CRPPA: variants seen among roughly 807,000 people sequenced by gnomAD.
CRPPA encodes CDP-L-ribitol pyrophosphorylase A, also known as D-ribitol-5-phosphate cytidylyltransferase.
Under a neutral mutation model 52.0 loss-of-function variants are expected in CRPPA, and 43 were observed. The ratio of observed to expected loss-of-function variants is 0.83; its 90% confidence interval spans 0.65 to 1.07. The LOEUF (loss-of-function observed/expected upper bound fraction) is 1.07, where lower values mean the gene tolerates loss of function less well. Among genes scored for constraint, CRPPA ranks in the 50% least tolerant of loss-of-function variants. CRPPA has a pLI of 0.00. For missense variants in CRPPA, 629 were observed against 551.7 expected (o/e 1.14, Z -1.40); for synonymous variants, 250 against 203.5 (o/e 1.23, Z -1.94).
intron 5 of CRPPA, among the ~76,000 whole-genome samples, chr7:16,294,889 C>A (rs550464452): frequency 2.6e-5 from 4 of 152,094 alleles, no homozygotes; most frequent in Admixed American, 2.0e-4. Flanking sequence ...CCTCATCTTT[C>A]CAACTTGATC....
Position 16,107,124 on chromosome 7 carries a change from G to T in CRPPA, c.1252-15325C>A, listed in dbSNP as rs188718057. Reference sequence around the variant, plus strand: ...AGAAGGCTATAGGAATTAAGGGACAGCAGCAAAGGACCGAACATTCACATA... The same window carrying T: ...AGAAGGCTATAGGAATTAAGGGACATCAGCAAAGGACCGAACATTCACATA... On this transcript the variant is annotated intron_variant, in intron 9 of 9. Transcript: ENST00000407010. Among the ~76,000 whole-genome samples, 10 of 152,080 alleles carry T rather than the reference G, an allele frequency of 6.6e-5. 1 individual carries two copies. Among genetic ancestry groups the T allele is most frequent in the African/African-American group, 1.9e-4 (8 of 41,508 alleles).
At chr7:16,152,603 A>G (rs1324607529) in intron 9 of CRPPA, among the ~76,000 whole-genome samples, 2 of 152,038 alleles carry the variant, frequency 1.3e-5, no homozygotes, top group Admixed American at 6.5e-5. Flanking sequence ...AACTGAGGTT[A>G]AAACAACAGA....
At chr7:16,201,723 C>T (rs1183544069) in intron 9 of CRPPA, among the ~76,000 whole-genome samples, 1 of 152,170 alleles carries the variant, frequency 6.6e-6, no homozygotes, top group African/African-American at 2.4e-5. Flanking sequence ...AGGGCTGTAA[C>T]ACTCTTGCCC....
At chr7:16,170,164 T>A (rs1043261970) in intron 9 of CRPPA, among the ~76,000 whole-genome samples, 3 of 152,194 alleles carry the variant, frequency 2.0e-5, no homozygotes, top group Non-Finnish European at 2.9e-5. Flanking sequence ...GAATTGACTG[T>A]CATAGCTCCT....
intron 9 of CRPPA, among the ~76,000 whole-genome samples, chr7:16,202,299 T>A (rs752773277): frequency 1.3e-5 from 2 of 152,196 alleles, no homozygotes. Flanking sequence ...CACTATTCTG[T>A]TCATGTTTTA....
At chr7:16,168,238 A>C (rs180807773) in intron 9 of CRPPA, among the ~76,000 whole-genome samples, 2 of 152,298 alleles carry the variant, frequency 1.3e-5, no homozygotes, top group Non-Finnish European at 2.9e-5. Flanking sequence ...TTCATTGCCA[A>C]GTTAGTTGCT....
chr7:16,384,079 C>T (rs983694155), intron 2 of CRPPA, among the ~76,000 whole-genome samples: 1 of 152,206 alleles, frequency 6.6e-6, no homozygotes. Flanking sequence ...AATCACCCGT[C>T]TTCTGCGTCA....
chr7:16,325,033 A>G (rs1425102453), intron 3 of CRPPA, among the ~76,000 whole-genome samples: 1 of 152,192 alleles, frequency 6.6e-6, no homozygotes, highest in Non-Finnish European at 1.5e-5. Flanking sequence ...ACTGATGTAG[A>G]CTTATTCTGA....
At chr7:16,373,336 G>C (rs1786798987) in intron 3 of CRPPA, among the ~76,000 whole-genome samples, 1 of 152,114 alleles carries the variant, frequency 6.6e-6, no homozygotes. Context: ...TTAAGATCTG[G>C]AAAGAGTGAC....
At chr7:16,268,109 T>C (rs1041740806) in intron 6 of CRPPA, among the ~76,000 whole-genome samples, 3 of 152,110 alleles carry the variant, frequency 2.0e-5, no homozygotes, top group African/African-American at 7.2e-5. Flanking sequence ...ATTAAAATCA[T>C]GTGATGAGAA....
chr7:16,284,864 AC>A (rs1356500194), intron 5 of CRPPA, among the ~76,000 whole-genome samples: 2 of 152,156 alleles, frequency 1.3e-5, no homozygotes, highest in Non-Finnish European at 2.9e-5. Context: ...CTGTACTTGT[AC>A]CACGTGTTTG....
intron 9 of CRPPA, among the ~76,000 whole-genome samples, chr7:16,206,710 T>A (rs1781981367): frequency 6.6e-6 from 1 of 152,136 alleles, no homozygotes; most frequent in African/African-American, 2.4e-5. Context: ...AATGATACAG[T>A]GATTACAAAC....
chr7:16,382,878 T>C (rs1367985361), intron 2 of CRPPA, among the ~76,000 whole-genome samples: 1 of 152,188 alleles, frequency 6.6e-6, no homozygotes, highest in Non-Finnish European at 1.5e-5. Flanking sequence ...TTGGTTATTC[T>C]AGTTATACAT....
chr7:16,171,519 C>T (rs1347900584), intron 9 of CRPPA, among the ~76,000 whole-genome samples: 1 of 152,106 alleles, frequency 6.6e-6, no homozygotes, highest in African/African-American at 2.4e-5. Context: ...GTAATCCCAG[C>T]ACTTTGGGAG....
intron 9 of CRPPA, among the ~76,000 whole-genome samples, chr7:16,150,389 A>G (rs1562527315): frequency 6.6e-6 from 1 of 152,178 alleles, no homozygotes; most frequent in Non-Finnish European, 1.5e-5. Context: ...CCGAACAGCT[A>G]TGCATTGGAA....
At chr7:16,207,919 G>A (rs1782011264) in intron 9 of CRPPA, among the ~76,000 whole-genome samples, 1 of 152,152 alleles carries the variant, frequency 6.6e-6, no homozygotes, top group Admixed American at 6.5e-5. Context: ...CTACCAGTAG[G>A]ATTCCACTTG....
intron 8 of CRPPA, among the ~76,000 whole-genome samples, chr7:16,245,699 G>A (rs953227180): frequency 6.6e-6 from 1 of 152,124 alleles, no homozygotes; most frequent in Non-Finnish European, 1.5e-5. Flanking sequence ...AATATTGGGA[G>A]TTTCCCTCCA....
Position 16,421,100 on chromosome 7 carries a change from G to C in CRPPA, c.223C>G (p.Pro75Ala). ...PKQFCPILER[P>A]LISYTLQALE... The stretch of plus-strand genomic sequence containing the variant: ...GCCTGTAGGGTGTAGCTGATGAGCG[G>C]CCTCTCCAGGATGGGGCAGAATTGC... Residue 75 changes from proline (P) to alanine (A), a missense_variant, in exon 1 of 10, where the codon CCG becomes GCG. Pro to Ala is a conservative substitution (Grantham distance 27, BLOSUM62 -1). Transcript: ENST00000407010. 1 of 1,300,240 alleles carries C rather than the reference G, an allele frequency of 7.7e-7. No individual in the cohort carries two copies. The highest frequency in any genetic ancestry group is 9.8e-7 in the Non-Finnish European group (1 of 1,017,180). The allele number at this position is 1,300,240 out of a possible 1,614,324, so 80.5% of individuals were successfully genotyped here.
At chr7:16,352,956 G>A (rs940525189) in intron 3 of CRPPA, among the ~76,000 whole-genome samples, 1 of 151,238 alleles carries the variant, frequency 6.6e-6, no homozygotes, top group African/African-American at 2.4e-5. Flanking sequence ...GCAAAAGACA[G>A]GAAATTGTCA....
Sources: gnomAD v4.1 joint callset for allele counts (sites outside exome capture counted in the v4.1 genomes callset) on GRCh38, gnomAD v4.1.1 for gene constraint, MANE v1.5 for transcripts, NCBI Gene and HGNC (gene_info 2026-07-23, HGNC 2026-07-21) for gene names.